Variants in NEBL observed in about 807,000 individuals in gnomAD.
The protein encoded by NEBL is nebulette.
A neutral mutation model predicts 140.2 loss-of-function variants in NEBL; 122 were observed. The ratio of observed to expected loss-of-function variants is 0.87; its 90% CI spans 0.75 to 1.01. The LOEUF (loss-of-function observed/expected upper bound fraction) is 1.01. Among genes scored for constraint, NEBL ranks in the 50% least tolerant of loss-of-function variants. The pLI is 0.00. For missense variants in NEBL, 1,365 were observed against 1,231.3 expected, an observed-to-expected ratio of 1.11 and a Z score of -1.62; for synonymous variants, 436 against 398.9, an observed-to-expected ratio of 1.09 and a Z score of -1.11.
At chr10:21,154,816 A>T (rs1046532513) in intron 2 of NEBL, among the ~76,000 whole-genome samples, 8 of 152,214 alleles carry the variant, frequency 5.3e-5, no homozygotes, top group African/African-American at 1.4e-4. Flanking sequence ...GTACTTTTTG[A>T]ATTTTTTATT....
chr10:20,870,319 T>C lies in NEBL; in HGVS notation c.481-478A>G, dbSNP rs573115256. ...CCAAACTGGGCAAAAGAGTGGGACT[T>C]TATCTCAAAAAAAAAAAAAAAAAAA... On this transcript the variant is annotated intron_variant, in intron 5 of 27. Transcript: ENST00000377122. 5.4e-4 allele frequency among the ~76,000 whole-genome samples: 60 copies of C among 111,746 alleles called. 1 individual carries two copies. The highest frequency in any genetic ancestry group is 9.6e-4 in the Non-Finnish European group (52 of 54,016). 73.3% of individuals were successfully genotyped at this position (111,746 alleles called of 152,430 possible). A position where few individuals can be genotyped will look rare whatever the true frequency, so the allele number is the denominator to read the frequency against.
rs1838262884 is a variant in NEBL at position 21,009,713 on chromosome 10, C to A, written c.249+10404G>T. Among the ~76,000 whole-genome samples the A allele has an allele frequency of 1.3e-5, 2 of 152,170 alleles. 1 individual carries two copies. The highest frequency in any genetic ancestry group is 4.1e-4 in the South Asian group (2 of 4,834). On this transcript the variant is annotated intron_variant, in intron 3 of 6. Transcript: ENST00000417816. ...CAAAGAATGATGTTAACATAGTCATCTTTTCTCTACAGAATTTCTTGAGCC... is the reference window on the plus strand; with the variant it reads ...CAAAGAATGATGTTAACATAGTCATATTTTCTCTACAGAATTTCTTGAGCC...
chr10:20,898,860 T>C (rs1847708830), upstream of NEBL, among the ~76,000 whole-genome samples: 1 of 152,184 alleles, frequency 6.6e-6, no homozygotes, highest in Non-Finnish European at 1.5e-5. Context: ...CTGTGAAATA[T>C]GACCGACTGC....
intron 2 of NEBL, among the ~76,000 whole-genome samples, chr10:21,108,071 G>A (rs1452740211): frequency 6.6e-6 from 1 of 151,676 alleles, no homozygotes; most frequent in Non-Finnish European, 1.5e-5. Flanking sequence ...CTCTTTATTA[G>A]TCTGGCTAGT....
At chr10:20,886,958 C>T (rs1846576580) in intron 4 of NEBL, among the ~76,000 whole-genome samples, 1 of 152,194 alleles carries the variant, frequency 6.6e-6, no homozygotes, top group South Asian at 2.1e-4. Flanking sequence ...GTGCCAGGAA[C>T]TCTTCCGAGC....
At chr10:20,956,376 T>C (rs1253428000) in intron 4 of NEBL, among the ~76,000 whole-genome samples, 1 of 152,218 alleles carries the variant, frequency 6.6e-6, no homozygotes, top group African/African-American at 2.4e-5. Flanking sequence ...ACTTTCTCTT[T>C]TTTTTAAACT....
chr10:21,088,758 A>G (rs1320509589), intron 2 of NEBL, among the ~76,000 whole-genome samples: 1 of 152,232 alleles, frequency 6.6e-6, no homozygotes, highest in Non-Finnish European at 1.5e-5. Flanking sequence ...TCTTACTCCA[A>G]CATTCTGGAC....
rs1011998857 is a variant in NEBL at position 20,861,327 on chromosome 10, G to A, written c.685-1501C>T. Among the ~76,000 whole-genome samples, 3 of 152,080 alleles carry A rather than the reference G, an allele frequency of 2.0e-5. 1 individual carries two copies. In the East Asian group the frequency reaches 5.8e-4, roughly 29 times the overall value. On this transcript the variant is annotated intron_variant, in intron 7 of 27. Transcript: ENST00000377122. ...CAAGCAGCTGGGACTACAGGTGCTC[G>A]CCACCACGCTCAGCTAATTTTTTGT...
At chr10:21,041,148 T>A (rs190181265) in intron 2 of NEBL, among the ~76,000 whole-genome samples, 1 of 152,248 alleles carries the variant, frequency 6.6e-6, no homozygotes, top group Admixed American at 6.5e-5. Context: ...TACAGATAAT[T>A]TTGTTAACCA....
chr10:21,163,843 G>A (rs1840655232), intron 2 of NEBL, among the ~76,000 whole-genome samples: 1 of 152,224 alleles, frequency 6.6e-6, no homozygotes, highest in African/African-American at 2.4e-5. Flanking sequence ...AACAGAGAGT[G>A]TGAAAAAGTA....
At chr10:21,155,400 C>T (rs1392316840) in intron 2 of NEBL, among the ~76,000 whole-genome samples, 1 of 151,758 alleles carries the variant, frequency 6.6e-6, no homozygotes, top group East Asian at 1.9e-4. Flanking sequence ...TTTTTGGTAC[C>T]CATTAACATC....
At chr10:20,862,330 A>G (rs887430789) in intron 7 of NEBL, among the ~76,000 whole-genome samples, 3 of 152,222 alleles carry the variant, frequency 2.0e-5, no homozygotes, top group African/African-American at 7.2e-5. Flanking sequence ...GAACAAAAAC[A>G]CAAGTTTCCC....
intron 2 of NEBL, among the ~76,000 whole-genome samples, chr10:21,076,086 G>A (rs534540356): frequency 2.0e-5 from 3 of 152,006 alleles, no homozygotes; most frequent in African/African-American, 7.2e-5. Flanking sequence ...CATTATCAGC[G>A]GTAATGTAAA....
intron 3 of NEBL, among the ~76,000 whole-genome samples, chr10:20,994,335 G>C (rs1444297848): frequency 6.6e-6 from 1 of 152,188 alleles, no homozygotes; most frequent in Non-Finnish European, 1.5e-5. Context: ...GCAAAGTACA[G>C]GGAAGCCAAC....
Position 20,889,946 on chromosome 10 carries a change from G to A in NEBL, c.157C>T (p.Arg53Cys), listed in dbSNP as rs759216770. 102 of 1,574,476 alleles carry A rather than the reference G, an allele frequency of 6.5e-5. No homozygotes were observed. The highest frequency in any genetic ancestry group is 8.5e-5 in the Non-Finnish European group (97 of 1,147,830). The change falls in exon 3 of 28, where the codon CGT becomes TGT. Residue 53 changes from arginine (R) to cysteine (C), a missense_variant. Coordinates refer to ENST00000377122, the MANE Select transcript of NEBL (RefSeq NM_006393.3). ...RKCTELISDIRYKEEFKKSKD... is the reference protein window; with the variant it reads ...RKCTELISDICYKEEFKKSKD... ...GACTTTTTAAACTCTTCTTTATAAC[G>A]GATCTAAAAAAGAGAATGATTTACA... is the stretch of plus-strand genomic sequence containing the variant.
rs118144590 is a variant in NEBL, at chr10:21,076,658, T to C, written c.165-56457A>G. Among the ~76,000 whole-genome samples the C allele has an allele frequency of 1.7e-3, 260 of 152,244 alleles. 5 individuals carry two copies. The East Asian group carries it at 0.043, about 25-fold the overall frequency. On this transcript the variant is annotated intron_variant, in intron 2 of 6. Transcript: ENST00000417816. ...CAGAAAACAGAATGTGATATACACA[T>C]ATGATCAGCTACTATTCAACCTTAA...
At chr10:20,867,530 T>C (rs1279506606) in intron 7 of NEBL, among the ~76,000 whole-genome samples, 3 of 152,200 alleles carry the variant, frequency 2.0e-5, no homozygotes. Flanking sequence ...TTTTCATTTT[T>C]ACATAGTTAA....
chr10:21,125,962 T>C (rs1197741891), intron 2 of NEBL: 3 of 1,614,200 alleles, frequency 1.9e-6, no homozygotes, highest in Admixed American at 3.3e-5. Flanking sequence ...GTTGCCTGGA[T>C]CTGGTTCAGG....
chr10:20,853,277 A>G (rs368536433), intron 9 of NEBL, among the ~76,000 whole-genome samples: 25 of 152,210 alleles, frequency 1.6e-4, no homozygotes, highest in African/African-American at 5.5e-4. Flanking sequence ...GATGAAGGCT[A>G]CTATTTGGAC....
Sources: allele counts gnomAD v4.1 joint callset (sites outside exome capture counted in the v4.1 genomes callset), GRCh38; gene constraint gnomAD v4.1.1; transcripts MANE v1.5; gene names NCBI Gene and HGNC (gene_info 2026-07-23, HGNC 2026-07-21).